HMGA2: variants seen among roughly 807,000 people sequenced by gnomAD.
HMGA2 encodes the protein high mobility group protein HMGI-C.
In HMGA2, 8 loss-of-function variants were observed where a neutral mutation model predicts 19.1. The ratio of observed to expected loss-of-function variants is 0.42; its 90% CI spans 0.25 to 0.76. HMGA2 has a LOEUF of 0.76. HMGA2 is among the 30% of genes least tolerant of loss of function. The probability of loss-of-function intolerance (pLI) is 0.28; values close to 1 mark genes in which losing one functional copy is unlikely to be tolerated. For synonymous variants in HMGA2, 60 were observed against 48.8 expected (o/e 1.23, Z -0.96); for missense variants, 109 against 136.3 (o/e 0.80, Z 1.00).
rs1876809391 is a variant in HMGA2 at position 65,963,381 on chromosome 12, A to G, written c.*89A>G. On this transcript the variant is annotated 3_prime_UTR_variant, in exon 5 of 5. Coordinates refer to ENST00000403681, the MANE Select transcript of HMGA2 (RefSeq NM_003483.6). ...CAGTGACCACTTATTCTGTATTGCC[A>G]TGGTCTTTCCACTTTCATCTGGGGT... is the stretch of plus-strand genomic sequence containing the variant. The G allele has an allele frequency of 1.8e-6, 1 of 563,342 alleles. No homozygotes were observed. Among genetic ancestry groups the G allele is most frequent in the Non-Finnish European group, 2.8e-6 (1 of 362,460 alleles). The allele number at this position is 563,342 out of a possible 1,614,324, so 34.9% of individuals were successfully genotyped here.
chr12:65,851,097 A>G (rs1871441602), intron 3 of HMGA2, among the ~76,000 whole-genome samples: 1 of 152,196 alleles, frequency 6.6e-6, no homozygotes, highest in Non-Finnish European at 1.5e-5. Context: ...GAACCTTATC[A>G]CTTACTAACC....
chr12:65,944,351 G>T (rs1265564311), intron 3 of HMGA2, among the ~76,000 whole-genome samples: 2 of 152,194 alleles, frequency 1.3e-5, no homozygotes, highest in East Asian at 3.8e-4. Context: ...AAGAGGTAGA[G>T]TTCAGGTGGA....
chr12:65,910,744 C>A (rs1874808739), intron 3 of HMGA2, among the ~76,000 whole-genome samples: 1 of 152,000 alleles, frequency 6.6e-6, no homozygotes, highest in African/African-American at 2.4e-5. Context: ...GGAGTACTGT[C>A]CAACTGAAAC....
intron 3 of HMGA2, among the ~76,000 whole-genome samples, chr12:65,925,324 C>T (rs1444461935): frequency 3.3e-5 from 5 of 152,124 alleles, no homozygotes; most frequent in African/African-American, 1.2e-4. Context: ...TTCTAATAAG[C>T]ATTTGGGTGG....
intron 3 of HMGA2, among the ~76,000 whole-genome samples, chr12:65,911,113 A>C (rs962071036): frequency 7.2e-5 from 11 of 152,218 alleles, no homozygotes; most frequent in African/African-American, 2.7e-4. Context: ...AAAAGCTGAT[A>C]TCGAACAATA....
intron 3 of HMGA2, among the ~76,000 whole-genome samples, chr12:65,905,868 A>T (rs1874569741): frequency 6.6e-6 from 1 of 152,206 alleles, no homozygotes; most frequent in Non-Finnish European, 1.5e-5. Context: ...TATGAAGTAA[A>T]CAATTTTAAA....
chr12:65,906,322 T>A (rs1351208779), intron 3 of HMGA2, among the ~76,000 whole-genome samples: 1 of 152,174 alleles, frequency 6.6e-6, no homozygotes, highest in African/African-American at 2.4e-5. Flanking sequence ...CAGGGGTCAC[T>A]TGGGGGGTCA....
chr12:65,915,030 T>C (rs1875026153), intron 3 of HMGA2: 1 of 1,612,812 alleles, frequency 6.2e-7, no homozygotes, highest in African/African-American at 1.3e-5. Flanking sequence ...ATTCATGCCA[T>C]ATGCCCCATC....
intron 3 of HMGA2, among the ~76,000 whole-genome samples, chr12:65,839,212 C>T (rs1292877327): frequency 2.0e-5 from 3 of 151,990 alleles, no homozygotes; most frequent in Non-Finnish European, 4.4e-5. Context: ...GATCCTGTAT[C>T]TTTTGAGGCC....
intron 3 of HMGA2, among the ~76,000 whole-genome samples, chr12:65,848,761 C>A (rs1180968853): frequency 1.3e-5 from 2 of 152,006 alleles, no homozygotes; most frequent in Non-Finnish European, 2.9e-5. Flanking sequence ...GAGGCTGAGG[C>A]AGGAGAATGG....
intron 3 of HMGA2, among the ~76,000 whole-genome samples, chr12:65,862,771 G>T (rs1872172953): frequency 1.3e-5 from 2 of 152,198 alleles, no homozygotes; most frequent in African/African-American, 4.8e-5. Flanking sequence ...ATGGGTCACA[G>T]TAGCTGAAGC....
At chr12:65,946,295 T>C (rs1380669730) in intron 3 of HMGA2, among the ~76,000 whole-genome samples, 4 of 152,194 alleles carry the variant, frequency 2.6e-5, no homozygotes, top group African/African-American at 7.2e-5. Flanking sequence ...CAAAATCATA[T>C]GATTTTAAAA....
At chr12:65,827,280 A>T (rs2258238) in intron 1 of HMGA2, among the ~76,000 whole-genome samples, 26,332 of 152,176 alleles carry the variant, frequency 0.17, 3,108 homozygotes, top group African/African-American at 0.33. Context: ...TTTGAAGAAA[A>T]TATGTTTATT....
chr12:65,880,276 A>G (rs1033478909), intron 3 of HMGA2, among the ~76,000 whole-genome samples: 7 of 152,230 alleles, frequency 4.6e-5, no homozygotes, highest in African/African-American at 1.7e-4. Context: ...TATCACTGGC[A>G]TCTCCTCACT....
At chr12:65,929,574 C>T (rs146103440) in intron 3 of HMGA2, among the ~76,000 whole-genome samples, 272 of 151,688 alleles carry the variant, frequency 1.8e-3, no homozygotes, top group African/African-American at 5.8e-3. Context: ...CCCTAAACCC[C>T]GAATCCCAGA....
chr12:65,882,446 G>A (rs939973878), intron 3 of HMGA2, among the ~76,000 whole-genome samples: 14 of 152,156 alleles, frequency 9.2e-5, no homozygotes, highest in African/African-American at 3.4e-4. Flanking sequence ...GCTGTGGAAG[G>A]GAACTTCTAG....
intron 3 of HMGA2, among the ~76,000 whole-genome samples, chr12:65,899,121 A>AG (rs1275584301): frequency 2.0e-5 from 3 of 149,228 alleles, no homozygotes; most frequent in Non-Finnish European, 4.5e-5. Context: ...AAGACAATGG[A>AG]GTCAATTTCC....
chr12:65,838,998 C>CTTTTTTTTTTTTT, intron 3 of HMGA2, among the ~76,000 whole-genome samples: 7,158 of 103,012 alleles, frequency 0.069, 644 homozygotes, highest in African/African-American at 0.24. Flanking sequence ...TTTTCTTTTT[C>CTTTTTTTTTTTTT]TTTTTTTTTT....
At chr12:65,940,985 G>A (rs1399280859) in intron 3 of HMGA2, among the ~76,000 whole-genome samples, 1 of 152,188 alleles carries the variant, frequency 6.6e-6, no homozygotes, top group African/African-American at 2.4e-5. Context: ...ATCTTGAAAT[G>A]AAAGAATGTT....
Sources: gnomAD v4.1 joint callset for allele counts (sites outside exome capture counted in the v4.1 genomes callset) on GRCh38, gnomAD v4.1.1 for gene constraint, MANE v1.5 for transcripts, NCBI Gene and HGNC (gene_info 2026-07-23, HGNC 2026-07-21) for gene names.